Variants in SH3RF3 observed in about 807,000 individuals in gnomAD.
The protein encoded by SH3RF3 is E3 ubiquitin-protein ligase SH3RF3.
In SH3RF3, 29 loss-of-function variants were observed where a neutral mutation model predicts 66.3. That is an observed-to-expected ratio of 0.44 (90% CI 0.33 to 0.60). SH3RF3 has a LOEUF of 0.60. SH3RF3 is among the 20% of genes least tolerant of loss of function. The probability of loss-of-function intolerance (pLI) is 0.04; values close to 1 mark genes in which losing one functional copy is unlikely to be tolerated. For synonymous variants in SH3RF3, 583 were observed against 532.0 expected (o/e 1.10, Z -1.32); for missense variants, 1,194 against 1,190.9 (o/e 1.00, Z -0.04).
chr2:109,349,055 G>C (rs1259483468), intron 2 of SH3RF3, among the ~76,000 whole-genome samples: 2 of 152,062 alleles, frequency 1.3e-5, no homozygotes, highest in African/African-American at 4.8e-5. Context: ...CACGCACAGA[G>C]TTGTAAATAA....
intron 1 of SH3RF3, among the ~76,000 whole-genome samples, chr2:109,312,230 C>T (rs1046943806): frequency 3.9e-5 from 6 of 152,162 alleles, no homozygotes; most frequent in African/African-American, 1.2e-4. Flanking sequence ...ACACACAAGG[C>T]CAGAGGGACA....
intron 3 of SH3RF3, among the ~76,000 whole-genome samples, chr2:109,381,752 G>A (rs1356841119): frequency 1.3e-5 from 2 of 152,152 alleles, no homozygotes; most frequent in Middle Eastern, 3.2e-3. Context: ...GACATGGAAC[G>A]AAGGTGCTCT....
intron 1 of SH3RF3, among the ~76,000 whole-genome samples, chr2:109,301,111 C>T (rs575158240): frequency 7.6e-4 from 116 of 152,290 alleles, no homozygotes; most frequent in African/African-American, 2.6e-3. Context: ...TATTTTAATA[C>T]TGTGGGAATA....
At chr2:109,475,211 T>G (rs1324567413) in intron 8 of SH3RF3, among the ~76,000 whole-genome samples, 1 of 152,094 alleles carries the variant, frequency 6.6e-6, no homozygotes, top group Non-Finnish European at 1.5e-5. Flanking sequence ...TCTCTTGACC[T>G]CGTGATCCAC....
intron 1 of SH3RF3, among the ~76,000 whole-genome samples, chr2:109,159,750 C>T (rs1677441051): frequency 6.6e-6 from 1 of 152,138 alleles, no homozygotes; most frequent in African/African-American, 2.4e-5. Flanking sequence ...TGATCAGATT[C>T]TCACAGGAGC....
intron 1 of SH3RF3, among the ~76,000 whole-genome samples, chr2:109,243,683 G>A (rs1158055191): frequency 1.3e-5 from 2 of 152,178 alleles, no homozygotes; most frequent in African/African-American, 2.4e-5. Flanking sequence ...GGCAAAGGTC[G>A]GGGACAATCG....
At chr2:109,342,892 G>T (rs1413973909) in intron 1 of SH3RF3, among the ~76,000 whole-genome samples, 9 of 152,228 alleles carry the variant, frequency 5.9e-5, no homozygotes, top group Non-Finnish European at 1.0e-4. Flanking sequence ...CCTTGCAGGG[G>T]TGGCTGATGT....
chr2:109,222,448 C>T (rs773590896), intron 1 of SH3RF3, among the ~76,000 whole-genome samples: 28 of 152,058 alleles, frequency 1.8e-4, no homozygotes, highest in Non-Finnish European at 4.1e-4. Flanking sequence ...TATATGTACC[C>T]CATAAATATG....
At chr2:109,325,697 T>C (rs1319822656) in intron 1 of SH3RF3, among the ~76,000 whole-genome samples, 2 of 152,200 alleles carry the variant, frequency 1.3e-5, no homozygotes, top group Admixed American at 6.5e-5. Context: ...ACTCATCTCC[T>C]GGTTTCCAAG....
intron 4 of SH3RF3, among the ~76,000 whole-genome samples, chr2:109,418,038 C>CT (rs1244206343): frequency 6.6e-6 from 1 of 152,066 alleles, no homozygotes; most frequent in Non-Finnish European, 1.5e-5. Context: ...CTTGTAGTGC[C>CT]TTTCGCTCAC....
chr2:109,165,920 T>G (rs1677610337), intron 1 of SH3RF3, among the ~76,000 whole-genome samples: 2 of 152,228 alleles, frequency 1.3e-5, no homozygotes, highest in Non-Finnish European at 2.9e-5. Context: ...ACATGGGTGG[T>G]CACTAGTTTT....
At chr2:109,161,130 C>G (rs1452897411) in intron 1 of SH3RF3, among the ~76,000 whole-genome samples, 1 of 152,160 alleles carries the variant, frequency 6.6e-6, no homozygotes, top group Non-Finnish European at 1.5e-5. Context: ...CCTGATGTAT[C>G]CTTGTTACTA....
chr2:109,201,310 C>T (rs1297465619), intron 1 of SH3RF3, among the ~76,000 whole-genome samples: 3 of 152,240 alleles, frequency 2.0e-5, no homozygotes, highest in African/African-American at 7.2e-5. Flanking sequence ...CCCCACTCTC[C>T]CACAGGCCTC....
At chr2:109,307,358 T>C (rs1681619854) in intron 1 of SH3RF3, among the ~76,000 whole-genome samples, 1 of 152,128 alleles carries the variant, frequency 6.6e-6, no homozygotes, top group East Asian at 1.9e-4. Flanking sequence ...AGGGGAACAA[T>C]TTGTGGGCAA....
chr2:109,501,279 C>T (rs1479656464), intron 9 of SH3RF3, among the ~76,000 whole-genome samples: 2 of 151,960 alleles, frequency 1.3e-5, no homozygotes, highest in East Asian at 1.9e-4. Flanking sequence ...CGTAGATCAG[C>T]GTCTAAAAGG....
intron 1 of SH3RF3, among the ~76,000 whole-genome samples, chr2:109,340,351 A>C (rs1444650288): frequency 6.6e-6 from 1 of 152,234 alleles, no homozygotes; most frequent in Non-Finnish European, 1.5e-5. Context: ...GGAGGTGCTC[A>C]GGACAGGAAG....
chr2:109,447,790 A>G (rs1239449415), intron 7 of SH3RF3, among the ~76,000 whole-genome samples: 1 of 152,238 alleles, frequency 6.6e-6, no homozygotes, highest in African/African-American at 2.4e-5. Flanking sequence ...AGGGAGCTGT[A>G]TCTTTTCATA....
intron 9 of SH3RF3, among the ~76,000 whole-genome samples, chr2:109,498,538 G>A (rs1354066778): frequency 6.6e-6 from 1 of 152,244 alleles, no homozygotes; most frequent in Non-Finnish European, 1.5e-5. Context: ...GTGGGGTGGG[G>A]AAGGGCAAAG....
chr2:109,309,584 A>T (rs1681679551), intron 1 of SH3RF3, among the ~76,000 whole-genome samples: 2 of 129,512 alleles, frequency 1.5e-5, no homozygotes, highest in South Asian at 2.4e-4. Flanking sequence ...AAGACCCATC[A>T]GTGTGCTGTA....
Sources: gnomAD v4.1 joint callset for allele counts (sites outside exome capture counted in the v4.1 genomes callset) on GRCh38, gnomAD v4.1.1 for gene constraint, MANE v1.5 for transcripts, NCBI Gene and HGNC (gene_info 2026-07-23, HGNC 2026-07-21) for gene names.